SPATA17: variants seen among roughly 807,000 people sequenced by gnomAD.
The protein encoded by SPATA17 is spermatogenesis associated 17.
In SPATA17, 53 loss-of-function variants were observed where a neutral mutation model predicts 62.2. That is an observed-to-expected ratio of 0.85 (90% CI 0.68 to 1.07). The LOEUF is 1.07. Among genes scored for constraint, SPATA17 ranks in the 50% least tolerant of loss-of-function variants. SPATA17 has a pLI of 0.00. For synonymous variants in SPATA17, 146 were observed against 146.8 expected, an observed-to-expected ratio of 0.99 and a Z score of 0.04; for missense variants, 466 against 425.5, an observed-to-expected ratio of 1.10 and a Z score of -0.84.
intron 10 of SPATA17, among the ~76,000 whole-genome samples, chr1:217,866,158 A>G (rs1676006778): frequency 6.6e-6 from 1 of 152,184 alleles, no homozygotes; most frequent in African/African-American, 2.4e-5. Flanking sequence ...GTTAGGAGTT[A>G]AAATTTTAGT....
chr1:217,854,552 A>G (rs1242451280), intron 9 of SPATA17, among the ~76,000 whole-genome samples: 1 of 152,158 alleles, frequency 6.6e-6, no homozygotes, highest in African/African-American at 2.4e-5. Context: ...AACAAGACTG[A>G]TACAACTTCC....
intron 9 of SPATA17, among the ~76,000 whole-genome samples, chr1:217,854,954 A>G (rs1020372248): frequency 2.0e-5 from 3 of 152,202 alleles, no homozygotes; most frequent in Non-Finnish European, 4.4e-5. Context: ...CACTGTGCTA[A>G]ATCCTGGGAA....
At chr1:217,640,538 A>G (rs1558547840) in intron 1 of SPATA17, among the ~76,000 whole-genome samples, 1 of 152,088 alleles carries the variant, frequency 6.6e-6, no homozygotes, top group Non-Finnish European at 1.5e-5. Flanking sequence ...GCCTCATAAA[A>G]ATGCTCTTAT....
chr1:217,841,836 TTCATATACATATTATGTA>T (rs1675410964), intron 9 of SPATA17, among the ~76,000 whole-genome samples: 1 of 151,094 alleles, frequency 6.6e-6, no homozygotes, highest in Non-Finnish European at 1.5e-5. Flanking sequence ...TACATAATTT[TTCATATACATATTATGTA>T]TATGATAAAT....
chr1:217,716,873 T>C lies in SPATA17; in HGVS notation c.396-25102T>C, dbSNP rs1571754055. 1.3e-5 allele frequency among the ~76,000 whole-genome samples: 2 copies of C among 152,340 alleles called. 1 individual carries two copies. Among genetic ancestry groups the C allele is most frequent in the South Asian group, 4.1e-4 (2 of 4,822 alleles). ...ATCGTGTGCATGGTGTTTTATATGT[T>C]ATCTCGTCTATCCACACAAACCCCC... is the stretch of plus-strand genomic sequence containing the variant. On this transcript the variant is annotated intron_variant, in intron 5 of 10. Transcript: ENST00000366933.
chr1:217,840,120 G>A (rs1369222984), intron 9 of SPATA17, among the ~76,000 whole-genome samples: 1 of 152,112 alleles, frequency 6.6e-6, no homozygotes, highest in Non-Finnish European at 1.5e-5. Flanking sequence ...CCCACTATGT[G>A]CACAGTAATG....
At chr1:217,797,400 C>T (rs1046360195) in intron 8 of SPATA17, among the ~76,000 whole-genome samples, 1 of 151,960 alleles carries the variant, frequency 6.6e-6, no homozygotes, top group Non-Finnish European at 1.5e-5. Flanking sequence ...CAGCCCCATA[C>T]CATCACATCT....
chr1:217,746,705 A>G (rs759151224), intron 6 of SPATA17, among the ~76,000 whole-genome samples: 2 of 151,942 alleles, frequency 1.3e-5, no homozygotes, highest in Non-Finnish European at 2.9e-5. Context: ...AGCTATCACT[A>G]ATTTTTGATG....
At chr1:217,825,346 TA>T (rs1213664526) in intron 9 of SPATA17, among the ~76,000 whole-genome samples, 3 of 151,902 alleles carry the variant, frequency 2.0e-5, no homozygotes, top group African/African-American at 7.2e-5. Flanking sequence ...AATATACATG[TA>T]AAAGTATTTA....
intron 5 of SPATA17, among the ~76,000 whole-genome samples, chr1:217,694,714 C>A (rs1227640414): frequency 2.0e-5 from 3 of 151,312 alleles, no homozygotes; most frequent in Non-Finnish European, 1.5e-5. Context: ...TCAGCATTTG[C>A]TTGTGTGTAA....
At chr1:217,675,645 T>A (rs917446614) in intron 4 of SPATA17, among the ~76,000 whole-genome samples, 9 of 152,316 alleles carry the variant, frequency 5.9e-5, no homozygotes, top group African/African-American at 2.2e-4. Context: ...TTAACAATTG[T>A]ATAGCAGTTA....
In SPATA17 at chr1:217,781,278, G is replaced by A. The variant is rs552192051; in HGVS notation, c.724-896G>A. 7.2e-4 allele frequency: 109 copies of A among 152,254 alleles called. 2 individuals are homozygous for A. Among genetic ancestry groups the A allele is most frequent in the African/African-American group, 2.5e-3 (105 of 41,552 alleles). The allele number at this position is 152,254 out of a possible 1,614,324, so 9.4% of individuals were successfully genotyped here. ...GTAACTCCAGCTGTGTCTTGTTAGT[G>A]ATAACCTATTTAAAGAAGATATTTT... is the stretch of plus-strand genomic sequence containing the variant. On this transcript the variant is annotated intron_variant, in intron 7 of 10. Transcript: ENST00000366933.
chr1:217,759,951 G>A (rs1673132502), intron 6 of SPATA17, among the ~76,000 whole-genome samples: 1 of 152,082 alleles, frequency 6.6e-6, no homozygotes, highest in Non-Finnish European at 1.5e-5. Flanking sequence ...AGTAATGATA[G>A]ACTGAAAGTA....
At chr1:217,813,276 A>C (rs1674637946) in intron 9 of SPATA17, among the ~76,000 whole-genome samples, 2 of 152,176 alleles carry the variant, frequency 1.3e-5, no homozygotes, top group Non-Finnish European at 2.9e-5. Flanking sequence ...CAGCATCCTG[A>C]TAATAATGAA....
chr1:217,689,607 T>C (rs947824340), intron 5 of SPATA17, among the ~76,000 whole-genome samples: 4 of 152,178 alleles, frequency 2.6e-5, no homozygotes, highest in African/African-American at 9.7e-5. Flanking sequence ...AATCTCTGAC[T>C]TTCAGAGATC....
At chr1:217,832,722 C>A (rs1237562104) in intron 9 of SPATA17, among the ~76,000 whole-genome samples, 1 of 151,398 alleles carries the variant, frequency 6.6e-6, no homozygotes, top group African/African-American at 2.4e-5. Flanking sequence ...GTGGGTGGAC[C>A]ACTTGAGCCC....
At chr1:217,745,703 C>A (rs138983810) in intron 6 of SPATA17, among the ~76,000 whole-genome samples, 1 of 152,074 alleles carries the variant, frequency 6.6e-6, no homozygotes, top group East Asian at 1.9e-4. Flanking sequence ...TGTGCTAGGA[C>A]TTTAGTATAT....
chr1:217,669,162 G>T, intron 4 of SPATA17, 79 bp downstream of exon 4: 1 of 1,249,866 alleles, frequency 8.0e-7, no homozygotes, highest in African/African-American at 1.5e-5. Flanking sequence ...GAGCAAAGCA[G>T]AATAATGCAA....
chr1:217,751,908 C>A (rs764188194), intron 6 of SPATA17, among the ~76,000 whole-genome samples: 14 of 152,154 alleles, frequency 9.2e-5, no homozygotes, highest in Non-Finnish European at 1.8e-4. Flanking sequence ...TAGAAAAACA[C>A]ATTATAAACC....
Sources: allele counts gnomAD v4.1 joint callset (sites outside exome capture counted in the v4.1 genomes callset), GRCh38; gene constraint gnomAD v4.1.1; transcripts MANE v1.5; gene names NCBI Gene and HGNC (gene_info 2026-07-23, HGNC 2026-07-21).